The following CACNA2D1 variants were observed in gnomAD, a reference collection of about 807,000 sequenced individuals.
CACNA2D1 encodes the protein calcium voltage-gated channel auxiliary subunit alpha2delta 1.
A neutral mutation model predicts 171.5 loss-of-function variants in CACNA2D1; 53 were observed. The ratio of observed to expected loss-of-function variants is 0.31; its 90% CI spans 0.25 to 0.39. CACNA2D1 has a LOEUF of 0.39. Among genes scored for constraint, CACNA2D1 ranks in the 10% least tolerant of loss-of-function variants. The pLI, the probability that CACNA2D1 is intolerant of heterozygous loss-of-function variation, is 1.00. For synonymous variants in CACNA2D1, 442 were observed against 443.1 expected, an observed-to-expected ratio of 1.00 and a Z score of 0.03; for missense variants, 903 against 1,299.8, an observed-to-expected ratio of 0.69 and a Z score of 4.69.
At chr7:82,296,952 T>A (rs1210505221) in intron 3 of CACNA2D1, among the ~76,000 whole-genome samples, 1 of 151,418 alleles carries the variant, frequency 6.6e-6, no homozygotes. Context: ...AAACTCATAT[T>A]GGCGGGGAGT....
chr7:82,222,771 T>C (rs1473755232), intron 3 of CACNA2D1, among the ~76,000 whole-genome samples: 1 of 152,172 alleles, frequency 6.6e-6, no homozygotes, highest in Non-Finnish European at 1.5e-5. Context: ...TGTAATATAG[T>C]ACCTACCACA....
At chr7:82,220,140 G>C (rs995517613) in intron 3 of CACNA2D1, among the ~76,000 whole-genome samples, 2 of 152,078 alleles carry the variant, frequency 1.3e-5, no homozygotes, top group Non-Finnish European at 2.9e-5. Context: ...CTTTAAACAT[G>C]TCAATATCTG....
intron 1 of CACNA2D1, among the ~76,000 whole-genome samples, chr7:82,418,216 C>G (rs940731164): frequency 6.6e-6 from 1 of 152,082 alleles, no homozygotes; most frequent in South Asian, 2.1e-4. Context: ...CTCATGAGAA[C>G]GAACTGAGTA....
At chr7:82,296,320 C>A (rs1350197285) in intron 3 of CACNA2D1, among the ~76,000 whole-genome samples, 3 of 151,866 alleles carry the variant, frequency 2.0e-5, no homozygotes, top group Non-Finnish European at 4.4e-5. Flanking sequence ...GTAAGTGACC[C>A]CTTTAAAATG....
chr7:82,133,838 C>T (rs556526758), intron 5 of CACNA2D1, among the ~76,000 whole-genome samples: 2 of 152,158 alleles, frequency 1.3e-5, no homozygotes, highest in South Asian at 4.1e-4. Flanking sequence ...TTTGGGAGGC[C>T]GAAGCGGGTG....
At chr7:81,971,302 T>C (rs1049068550) in intron 26 of CACNA2D1, among the ~76,000 whole-genome samples, 1 of 151,636 alleles carries the variant, frequency 6.6e-6, no homozygotes, top group Non-Finnish European at 1.5e-5. Flanking sequence ...AATCAGTTGC[T>C]GTGATTTCTT....
chr7:82,359,118 G>C (rs1252498469), intron 1 of CACNA2D1, among the ~76,000 whole-genome samples: 1 of 152,072 alleles, frequency 6.6e-6, no homozygotes, highest in Non-Finnish European at 1.5e-5. Context: ...CAGCCGAGGT[G>C]TCCCACGTGG....
intron 13 of CACNA2D1, 96 bp downstream of exon 13, chr7:82,014,305 T>C (rs1221256390): frequency 1.1e-5 from 8 of 717,970 alleles, no homozygotes; most frequent in Non-Finnish European, 1.8e-5. Flanking sequence ...CTATAAAAGT[T>C]AGCTACAATT....
intron 7 of CACNA2D1, among the ~76,000 whole-genome samples, chr7:82,072,063 T>A (rs548226637): frequency 2.6e-5 from 4 of 152,308 alleles, no homozygotes; most frequent in East Asian, 3.9e-4. Context: ...GAGTATTTTT[T>A]AAATGTTTCC....
chr7:82,177,183 T>C (rs1796633616), intron 3 of CACNA2D1, among the ~76,000 whole-genome samples: 1 of 151,354 alleles, frequency 6.6e-6, no homozygotes, highest in Non-Finnish European at 1.5e-5. Context: ...AGAATTCACC[T>C]TGATCTTTAT....
chr7:82,125,113 A>C (rs1790181817), intron 5 of CACNA2D1, among the ~76,000 whole-genome samples: 1 of 152,240 alleles, frequency 6.6e-6, no homozygotes, highest in African/African-American at 2.4e-5. Context: ...TCTGCTGCTA[A>C]GAGGAAAATA....
At chr7:82,420,560 T>C (rs921854419) in intron 1 of CACNA2D1, among the ~76,000 whole-genome samples, 3 of 152,126 alleles carry the variant, frequency 2.0e-5, no homozygotes, top group Non-Finnish European at 2.9e-5. Context: ...CATTGTCAGA[T>C]AAAAGCATGA....
intron 4 of CACNA2D1, among the ~76,000 whole-genome samples, chr7:82,142,880 T>C (rs184741966): frequency 1.3e-5 from 2 of 152,356 alleles, no homozygotes; most frequent in Admixed American, 6.5e-5. Flanking sequence ...AAATCATTTA[T>C]AGCTCAAATT....
intron 4 of CACNA2D1, among the ~76,000 whole-genome samples, chr7:82,165,117 G>T (rs962327710): frequency 1.3e-5 from 2 of 152,002 alleles, no homozygotes; most frequent in African/African-American, 4.8e-5. Flanking sequence ...CTCAATCCCA[G>T]GATATTGAAG....
At chr7:82,321,851 G>C (rs1213527335) in intron 3 of CACNA2D1, among the ~76,000 whole-genome samples, 1 of 152,116 alleles carries the variant, frequency 6.6e-6, no homozygotes, top group Non-Finnish European at 1.5e-5. Context: ...AAGTGGCCGG[G>C]CGCGGTGGCT....
chr7:82,247,028 A>T (rs1805010176), intron 3 of CACNA2D1, among the ~76,000 whole-genome samples: 1 of 152,198 alleles, frequency 6.6e-6, no homozygotes, highest in Non-Finnish European at 1.5e-5. Flanking sequence ...TCCAAGTAGA[A>T]GTCTTCAGAC....
intron 3 of CACNA2D1, among the ~76,000 whole-genome samples, chr7:82,171,627 T>C (rs1796026886): frequency 6.6e-6 from 1 of 152,102 alleles, no homozygotes; most frequent in Admixed American, 6.6e-5. Flanking sequence ...CTAAACAATA[T>C]ATATGTCAAC....
chr7:82,106,804 T>C (rs1473787054), intron 6 of CACNA2D1, among the ~76,000 whole-genome samples: 2 of 152,118 alleles, frequency 1.3e-5, no homozygotes, highest in Admixed American at 1.3e-4. Context: ...TATGATATGA[T>C]ATTCCTTTCT....
At chr7:82,295,952 C>T (rs1201585066) in intron 3 of CACNA2D1, among the ~76,000 whole-genome samples, 1 of 151,898 alleles carries the variant, frequency 6.6e-6, no homozygotes, top group African/African-American at 2.4e-5. Flanking sequence ...AGTTCATGTC[C>T]TTTGTAGGGA....
Sources: allele counts gnomAD v4.1 joint callset (sites outside exome capture counted in the v4.1 genomes callset), GRCh38; gene constraint gnomAD v4.1.1; transcripts MANE v1.5; gene names NCBI Gene and HGNC (gene_info 2026-07-23, HGNC 2026-07-21).